ZC3H18: variants seen among roughly 807,000 people sequenced by gnomAD.
The protein encoded by ZC3H18 is zinc finger CCCH domain-containing protein 18.
A neutral mutation model predicts 106.1 loss-of-function variants in ZC3H18; 8 were observed. The ratio of observed to expected loss-of-function variants is 0.08; its 90% CI spans 0.04 to 0.14. ZC3H18 has a LOEUF of 0.14. Among genes scored for constraint, ZC3H18 ranks in the 10% least tolerant of loss-of-function variants. The probability of loss-of-function intolerance (pLI) is 1.00; values close to 1 mark genes in which losing one functional copy is unlikely to be tolerated. For missense variants in ZC3H18, 1,318 were observed against 1,278.4 expected (o/e 1.03, Z -0.47); for synonymous variants, 635 against 522.1 (o/e 1.22, Z -2.95).
intron 2 of ZC3H18, among the ~76,000 whole-genome samples, chr16:88,582,701 G>C (rs1013626770): frequency 6.6e-6 from 1 of 152,152 alleles, no homozygotes; most frequent in African/African-American, 2.4e-5. Context: ...CGTGGTTAGT[G>C]TTCCACATAG....
chr16:88,628,231 C>T (rs1427291073), intron 15 of ZC3H18, 112 bp downstream of exon 15: 3 of 1,228,744 alleles, frequency 2.4e-6, no homozygotes, highest in African/African-American at 3.0e-5. Context: ...CGAGTGGGGC[C>T]TTGCAGGTGT....
At chr16:88,580,273 G>T (rs745708271) in intron 2 of ZC3H18, among the ~76,000 whole-genome samples, 21 of 151,218 alleles carry the variant, frequency 1.4e-4, no homozygotes, top group Middle Eastern at 6.3e-3. Context: ...AAGACTGGGG[G>T]CTACCTGGCT....
intron 3 of ZC3H18, among the ~76,000 whole-genome samples, chr16:88,588,443 T>C (rs1316638499): frequency 6.6e-6 from 1 of 152,232 alleles, no homozygotes; most frequent in Admixed American, 6.5e-5. Context: ...ACTGCTGAGC[T>C]AATTCCAGAA....
At chr16:88,599,668 G>C in intron 5 of ZC3H18, 123 bp from the exon 6 acceptor site, 1 of 1,186,164 alleles carries the variant, frequency 8.4e-7, no homozygotes, top group South Asian at 1.5e-5. Flanking sequence ...TTGAGCACTT[G>C]CAGCGTGCAG....
intron 8 of ZC3H18, among the ~76,000 whole-genome samples, chr16:88,620,485 G>A (rs541176865): frequency 1.3e-5 from 2 of 152,090 alleles, no homozygotes; most frequent in African/African-American, 4.8e-5. Flanking sequence ...AGAGGCTGAG[G>A]TGGGAGGATC....
At chr16:88,609,174 A>G in intron 7 of ZC3H18, 123 bp downstream of exon 7, 1 of 649,788 alleles carries the variant, frequency 1.5e-6, no homozygotes, top group Non-Finnish European at 2.4e-6. Context: ...CAATGTACCA[A>G]TTTGAAAACC....
intron 8 of ZC3H18, among the ~76,000 whole-genome samples, chr16:88,612,715 A>C (rs1217802551): frequency 6.6e-6 from 1 of 151,970 alleles, no homozygotes; most frequent in Non-Finnish European, 1.5e-5. Flanking sequence ...TTTTAAAAAA[A>C]TCTAGGCTGG....
At chr16:88,622,550 T>C in intron 9 of ZC3H18, 162 bp downstream of exon 9, 1 of 751,606 alleles carries the variant, frequency 1.3e-6, no homozygotes, top group Non-Finnish European at 2.1e-6. Context: ...GTTTATACCT[T>C]CAGCAAAGAG....
intron 8 of ZC3H18, among the ~76,000 whole-genome samples, chr16:88,612,634 G>A (rs1480627169): frequency 1.3e-5 from 2 of 148,638 alleles, no homozygotes; most frequent in South Asian, 2.1e-4. Flanking sequence ...AGCTACAATC[G>A]CACGGCTGCA....
chr16:88,625,967 C>T (rs1036305686), intron 13 of ZC3H18: 2 of 151,200 alleles, frequency 1.3e-5, no homozygotes, highest in Admixed American at 1.3e-4. Flanking sequence ...AGACTACAGG[C>T]GCACACTGCC....
In ZC3H18 at chr16:88,611,312, C is replaced by G. The variant is rs369086353; in HGVS notation, c.1251C>G (p.Arg417=). Residue 417 remains arginine (R), a synonymous_variant, in exon 8 of 18, where the codon CGC becomes CGG. Transcript: ENST00000301011. ...ERERENRQRE[R]ERERERDRER... ...AGAGAGAGAACAGACAGCGCGAGCG[C>G]GAGCGGGAGCGGGAGCGGGACCGAG... The G allele has an allele frequency of 2.7e-6, 2 of 738,086 alleles. No homozygotes were observed. Among genetic ancestry groups the G allele is most frequent in the Non-Finnish European group, 2.5e-6 (1 of 402,940 alleles). The allele number at this position is 738,086 out of a possible 1,614,324, so 45.7% of individuals were successfully genotyped here.
rs539102857 is a variant in ZC3H18, at chr16:88,611,108, A to G, written c.1207-160A>G. On this transcript the variant is annotated intron_variant, in intron 7 of 17. Coordinates refer to ENST00000301011, the MANE Select transcript of ZC3H18 (RefSeq NM_144604.4). ...TCTGTACTCCACCGCAGAGAGTTCA[A>G]TCATAGTCGGGAGCACTTGGCGTTT... 3.3e-5 allele frequency among the ~76,000 whole-genome samples: 5 copies of G among 152,304 alleles called. No homozygotes were observed. The East Asian group carries it at 7.7e-4, about 24-fold the overall frequency.
intron 11 of ZC3H18, 182 bp from the exon 12 acceptor site, chr16:88,624,419 TG>T: frequency 1.0e-6 from 1 of 974,996 alleles, no homozygotes. Context: ...CTGGGGGCTT[TG>T]AAGCCGTTCC....
At chr16:88,603,978 G>A (rs1904884320) in intron 6 of ZC3H18, among the ~76,000 whole-genome samples, 1 of 151,940 alleles carries the variant, frequency 6.6e-6, no homozygotes, top group Non-Finnish European at 1.5e-5. Flanking sequence ...CTAGACAGAC[G>A]CACTCTGATT....
intron 2 of ZC3H18, among the ~76,000 whole-genome samples, chr16:88,584,912 G>A (rs758333031): frequency 2.0e-5 from 3 of 152,200 alleles, no homozygotes; most frequent in Non-Finnish European, 4.4e-5. Context: ...TTCCAAGTAA[G>A]GCAGGAAGAT....
intron 3 of ZC3H18, among the ~76,000 whole-genome samples, chr16:88,594,516 C>A (rs547732248): frequency 1.3e-5 from 2 of 152,326 alleles, no homozygotes; most frequent in Admixed American, 6.5e-5. Context: ...TGTTTCCTAT[C>A]TGTTTCCTGT....
Position 88,627,609 on chromosome 16 carries a change from C to T in ZC3H18, c.2109-13C>T. 5 of 1,591,736 alleles carry T rather than the reference C, an allele frequency of 3.1e-6. No individual in the cohort carries two copies. The highest frequency in any genetic ancestry group is 3.4e-6 in the Non-Finnish European group (4 of 1,163,668). The stretch of plus-strand genomic sequence containing the variant: ...TCTGGCTGGGGTGTGGTGAGATGTG[C>T]TTGTGTGTCCAGGTCCCTGAGCGTG... On this transcript the variant is annotated splice_polypyrimidine_tract_variant and intron_variant, in intron 13 of 17. Coordinates refer to ENST00000301011, the MANE Select transcript of ZC3H18 (RefSeq NM_144604.4). The surrounding 1 kb of genome is among the most constrained non-coding windows in gnomAD (Gnocchi z 4.5).
intron 6 of ZC3H18, among the ~76,000 whole-genome samples, chr16:88,603,550 G>A: frequency 6.6e-6 from 1 of 151,136 alleles, no homozygotes; most frequent in East Asian, 2.1e-4. Context: ...TCGAACCTGG[G>A]AGGCGGAGGT....
At chr16:88,606,373 C>G (rs987308885) in intron 6 of ZC3H18, among the ~76,000 whole-genome samples, 4 of 152,366 alleles carry the variant, frequency 2.6e-5, no homozygotes, top group Admixed American at 6.5e-5. Flanking sequence ...GGCAGCCACG[C>G]TGAGGAAATG....
Sources: allele counts gnomAD v4.1 joint callset (sites outside exome capture counted in the v4.1 genomes callset), GRCh38; gene constraint gnomAD v4.1.1; non-coding constraint Gnocchi (gnomAD v3.1); transcripts MANE v1.5; gene names NCBI Gene and HGNC (gene_info 2026-07-23, HGNC 2026-07-21).